The following PRKG1 variants were observed in gnomAD, a reference collection of about 807,000 sequenced individuals.
PRKG1 encodes cGMP-dependent protein kinase 1.
PRKG1 carries 35 observed loss-of-function variants against 88.1 expected under a neutral mutation model. The observed-to-expected ratio is 0.40, with a 90% CI of 0.30 to 0.53. The LOEUF (loss-of-function observed/expected upper bound fraction) is 0.53, where lower values mean the gene tolerates loss of function less well. Ranked by LOEUF, PRKG1 falls within the 20% of genes least tolerant of loss-of-function variation. PRKG1 has a pLI of 0.59. For missense variants in PRKG1, 540 were observed against 839.8 expected (o/e 0.64, Z 4.41); for synonymous variants, 303 against 292.5 (o/e 1.04, Z -0.37).
intron 3 of PRKG1, among the ~76,000 whole-genome samples, chr10:51,503,478 C>A (rs1841095949): frequency 6.6e-6 from 1 of 152,126 alleles, no homozygotes; most frequent in South Asian, 2.1e-4. Flanking sequence ...CACTGTCATC[C>A]CTGTCTTATT....
intron 1 of PRKG1, among the ~76,000 whole-genome samples, chr10:51,080,288 G>A (rs1326926445): frequency 6.6e-6 from 1 of 152,150 alleles, no homozygotes; most frequent in African/African-American, 2.4e-5. Context: ...CTACCTGCCT[G>A]AGAATATAAA....
intron 3 of PRKG1, among the ~76,000 whole-genome samples, chr10:51,502,338 G>A (rs1447043109): frequency 6.6e-6 from 1 of 152,132 alleles, no homozygotes; most frequent in East Asian, 1.9e-4. Flanking sequence ...TGCAGCATAG[G>A]TTCTTGTGCT....
chr10:52,283,247 A>C (rs1054073857), intron 14 of PRKG1, among the ~76,000 whole-genome samples: 4 of 152,070 alleles, frequency 2.6e-5, no homozygotes, highest in Admixed American at 1.3e-4. Flanking sequence ...ATAGGAAGCT[A>C]GTTTGAAGAT....
At chr10:51,236,959 C>G (rs1210612840) in intron 2 of PRKG1, among the ~76,000 whole-genome samples, 2 of 152,196 alleles carry the variant, frequency 1.3e-5, no homozygotes, top group Non-Finnish European at 2.9e-5. Flanking sequence ...GATGTGAAGA[C>G]AGATGTGGAA....
intron 9 of PRKG1, among the ~76,000 whole-genome samples, chr10:52,206,619 G>A (rs74132955): frequency 6.6e-6 from 1 of 152,274 alleles, no homozygotes; most frequent in African/African-American, 2.4e-5. Context: ...TCAAACCCTG[G>A]CATTTAATCG....
intron 1 of PRKG1, among the ~76,000 whole-genome samples, chr10:51,040,902 C>G (rs1589119532): frequency 6.6e-6 from 1 of 151,864 alleles, no homozygotes; most frequent in South Asian, 2.1e-4. Flanking sequence ...AGGTTTTTTT[C>G]ACATATAAGT....
Position 52,270,223 on chromosome 10 carries a change from G to A in PRKG1, c.1174-1127G>A, listed in dbSNP as rs538670831. ...CTAAAAATTAGAAATGTTAACAACA[G>A]GTGCTGGAGAGGATGTGGAGAAATA... On this transcript the variant is annotated intron_variant, in intron 10 of 17. Coordinates refer to ENST00000373980, the MANE Select transcript of PRKG1 (RefSeq NM_006258.4). Among the ~76,000 whole-genome samples, 7 of 152,248 alleles carry A rather than the reference G, an allele frequency of 4.6e-5. No individual in the cohort carries two copies. The South Asian group carries it at 1.5e-3, about 32-fold the overall frequency.
chr10:51,055,424 A>T (rs1843614649), intron 1 of PRKG1, among the ~76,000 whole-genome samples: 1 of 152,132 alleles, frequency 6.6e-6, no homozygotes, highest in Non-Finnish European at 1.5e-5. Flanking sequence ...ATTCATTATA[A>T]TCTTATAAAG....
At chr10:51,937,682 C>A (rs1194079666) in intron 5 of PRKG1, among the ~76,000 whole-genome samples, 1 of 151,938 alleles carries the variant, frequency 6.6e-6, no homozygotes, top group Non-Finnish European at 1.5e-5. Context: ...AAATGAGAGA[C>A]TTCTGGTCAG....
intron 2 of PRKG1, among the ~76,000 whole-genome samples, chr10:51,330,152 ATTTAT>A (rs1841701054): frequency 2.6e-5 from 3 of 116,028 alleles, no homozygotes; most frequent in African/African-American, 6.3e-5. Flanking sequence ...TTTATTTTTT[ATTTAT>A]TTTTTTTTTT....
At chr10:52,275,457 T>C (rs1841850015) in intron 12 of PRKG1, among the ~76,000 whole-genome samples, 1 of 152,132 alleles carries the variant, frequency 6.6e-6, no homozygotes, top group African/African-American at 2.4e-5. Context: ...CCATTTTATG[T>C]TTTTGTTTGC....
chr10:51,346,095 A>C (rs1487044253), intron 2 of PRKG1, among the ~76,000 whole-genome samples: 1 of 152,200 alleles, frequency 6.6e-6, no homozygotes, highest in Non-Finnish European at 1.5e-5. Flanking sequence ...TGTTTCCAAT[A>C]GCTGTCACTT....
intron 1 of PRKG1, among the ~76,000 whole-genome samples, chr10:51,118,419 TAA>T (rs1845180797): frequency 6.6e-6 from 1 of 152,192 alleles, no homozygotes. Context: ...AAAATGGTTC[TAA>T]AAGTAATGTT....
At position 51,939,586 on chromosome 10, in the gene PRKG1, A is replaced by G. The variant is rs925536633; in HGVS notation, c.762+32016A>G. On this transcript the variant is annotated intron_variant, in intron 5 of 17. Transcript: ENST00000373980. ...TCTCTTCTTTCTTGATGAGTTTATA[A>G]ACTTAATTTTTTTTTTTTTAATTTT... 1.3e-4 allele frequency among the ~76,000 whole-genome samples: 18 copies of G among 139,530 alleles called. No individual in the cohort carries two copies. The East Asian group carries it at 3.5e-3, about 27-fold the overall frequency. 91.5% of individuals were successfully genotyped at this position (139,530 alleles called of 152,430 possible).
intron 2 of PRKG1, among the ~76,000 whole-genome samples, chr10:51,406,355 G>A (rs1377625822): frequency 6.6e-6 from 1 of 152,060 alleles, no homozygotes; most frequent in Non-Finnish European, 1.5e-5. Flanking sequence ...TTTCTTCATG[G>A]CATACCGTCT....
intron 3 of PRKG1, among the ~76,000 whole-genome samples, chr10:51,542,057 G>T (rs887481458): frequency 1.1e-4 from 17 of 151,978 alleles, no homozygotes; most frequent in African/African-American, 4.1e-4. Flanking sequence ...TACAGGATGG[G>T]ATTAGATGAC....
chr10:51,626,990 G>A (rs1192557711), intron 3 of PRKG1, among the ~76,000 whole-genome samples: 1 of 152,008 alleles, frequency 6.6e-6, no homozygotes, highest in African/African-American at 2.4e-5. Flanking sequence ...CTGAAAGTAT[G>A]GAAATGAGAG....
chr10:51,633,933 G>T (rs1230278215), intron 3 of PRKG1, among the ~76,000 whole-genome samples: 1 of 152,052 alleles, frequency 6.6e-6, no homozygotes, highest in Admixed American at 6.6e-5. Context: ...TGCTAACCAG[G>T]GTAATAATTT....
intron 5 of PRKG1, among the ~76,000 whole-genome samples, chr10:51,946,963 A>C (rs1206782667): frequency 2.6e-5 from 4 of 152,072 alleles, no homozygotes; most frequent in Admixed American, 1.3e-4. Context: ...CTCCAGCTGC[A>C]TGCTGGGAGA....
Sources: allele counts gnomAD v4.1 joint callset (sites outside exome capture counted in the v4.1 genomes callset), GRCh38; gene constraint gnomAD v4.1.1; transcripts MANE v1.5; gene names NCBI Gene and HGNC (gene_info 2026-07-23, HGNC 2026-07-21).